Variants in AMPH observed in about 807,000 individuals in gnomAD.
AMPH encodes amphiphysin.
AMPH carries 49 observed loss-of-function variants against 99.1 expected under a neutral mutation model. That is an observed-to-expected ratio of 0.49 (90% CI 0.39 to 0.63). The LOEUF (loss-of-function observed/expected upper bound fraction) is 0.63, where lower values mean the gene tolerates loss of function less well. AMPH is among the 20% of genes least tolerant of loss of function. AMPH has a pLI of 0.00. For synonymous variants in AMPH, 314 were observed against 317.3 expected, an observed-to-expected ratio of 0.99 and a Z score of 0.11; for missense variants, 759 against 863.4, an observed-to-expected ratio of 0.88 and a Z score of 1.52.
Position 38,388,001 on chromosome 7 carries a change from C to T in AMPH, c.1980+1803G>A, listed in dbSNP as rs1784392065. On this transcript the variant is annotated intron_variant, in intron 20 of 20. Transcript: ENST00000356264. The stretch of plus-strand genomic sequence containing the variant: ...AAAAAAAAATCAACTCAGATTTCTA[C>T]CTTAGTGAAAGTATTGTTAAAAATT... Among the ~76,000 whole-genome samples, 4 of 151,898 alleles carry T rather than the reference C, an allele frequency of 2.6e-5. No homozygotes were observed. The South Asian group carries it at 8.3e-4, about 32-fold the overall frequency.
chr7:38,529,549 C>T lies in AMPH; in HGVS notation c.150+5382G>A, dbSNP rs1015052811. On this transcript the variant is annotated intron_variant, in intron 2 of 20. Coordinates refer to ENST00000356264, the MANE Select transcript of AMPH (RefSeq NM_001635.4). ...CAAGGCAGCTAATGTTTGAAAAACA[C>T]TGCTCTGGAGGGCACAAAACTTGCC... 3.3e-5 allele frequency among the ~76,000 whole-genome samples: 5 copies of T among 152,224 alleles called. No homozygotes were observed. The East Asian group carries it at 9.6e-4, about 29-fold the overall frequency.
At chr7:38,396,722 A>C (rs1483569825) in intron 17 of AMPH, among the ~76,000 whole-genome samples, 1 of 152,200 alleles carries the variant, frequency 6.6e-6, no homozygotes, top group Non-Finnish European at 1.5e-5. Context: ...ATAAGCACCG[A>C]CCTTTTTATG....
chr7:38,505,606 A>T (rs1470082317), intron 2 of AMPH, among the ~76,000 whole-genome samples: 1 of 152,238 alleles, frequency 6.6e-6, no homozygotes, highest in Non-Finnish European at 1.5e-5. Context: ...GAGAAAATAA[A>T]GCAAATCATG....
chr7:38,475,557 CT>C, intron 6 of AMPH, 141 bp from the exon 7 acceptor site: 3 of 601,486 alleles, frequency 5.0e-6, no homozygotes, highest in Non-Finnish European at 8.6e-6. Context: ...AAAGCATATC[CT>C]TGTTTTTCAA....
intron 2 of AMPH, among the ~76,000 whole-genome samples, chr7:38,526,219 T>A (rs898951995): frequency 1.3e-5 from 2 of 152,062 alleles, no homozygotes; most frequent in Admixed American, 6.6e-5. Flanking sequence ...TTCATATTCT[T>A]CTTTGCCATC....
At chr7:38,546,115 A>G (rs188297731) in intron 1 of AMPH, among the ~76,000 whole-genome samples, 27 of 152,322 alleles carry the variant, frequency 1.8e-4, no homozygotes, top group Admixed American at 1.4e-3. Flanking sequence ...GAGTGCCTTC[A>G]TAACCTTCCT....
At chr7:38,418,685 A>G (rs1349670613) in intron 16 of AMPH, among the ~76,000 whole-genome samples, 1 of 152,182 alleles carries the variant, frequency 6.6e-6, no homozygotes, top group East Asian at 1.9e-4. Context: ...AATCCTTAGT[A>G]ATGCATTTAT....
chr7:38,613,477 T>C (rs2129067348), intron 1 of AMPH, among the ~76,000 whole-genome samples: 1 of 152,292 alleles, frequency 6.6e-6, no homozygotes, highest in East Asian at 1.9e-4. Flanking sequence ...AAGGAGGTCT[T>C]AACTAAAGAG....
intron 11 of AMPH, among the ~76,000 whole-genome samples, chr7:38,455,165 C>G (rs574806286): frequency 5.0e-4 from 76 of 152,070 alleles, no homozygotes; most frequent in African/African-American, 1.8e-3. Context: ...CCGCAACCTC[C>G]GCCTCCCACC....
intron 14 of AMPH, chr7:38,429,265 G>A (rs1428499108): frequency 1.6e-6 from 2 of 1,286,214 alleles, no homozygotes; most frequent in South Asian, 2.5e-5. Flanking sequence ...GGCTTTGGGG[G>A]CAGTTGTTCA....
At chr7:38,482,734 T>C (rs985727264) in intron 5 of AMPH, among the ~76,000 whole-genome samples, 1 of 152,144 alleles carries the variant, frequency 6.6e-6, no homozygotes, top group Non-Finnish European at 1.5e-5. Flanking sequence ...ACATATATCA[T>C]ATGAATAATT....
intron 1 of AMPH, among the ~76,000 whole-genome samples, chr7:38,546,704 G>T (rs1791008298): frequency 6.6e-6 from 1 of 152,130 alleles, no homozygotes; most frequent in Admixed American, 6.5e-5. Flanking sequence ...CATGATAGAT[G>T]GGTGGGAAGG....
chr7:38,454,540 A>G (rs1026708864), intron 11 of AMPH, among the ~76,000 whole-genome samples: 1 of 152,092 alleles, frequency 6.6e-6, no homozygotes, highest in African/African-American at 2.4e-5. Context: ...AATTAAAAAA[A>G]AAAACACAAA....
In AMPH at chr7:38,392,025, A is replaced by G; in HGVS notation, c.1609-8T>C. On this transcript the variant is annotated splice_polypyrimidine_tract_variant and splice_region_variant and intron_variant, in intron 18 of 20. Coordinates refer to ENST00000356264, the MANE Select transcript of AMPH (RefSeq NM_001635.4). ...CGAAGGAATGACCTTCTCCTGGGGG[A>G]AGAAAAACCGTGGCGATGCCCGGCA... 6.2e-7 allele frequency: 1 copy of G among 1,602,708 alleles called. No homozygotes were observed. The highest frequency in any genetic ancestry group is 2.2e-5 in the East Asian group (1 of 44,856).
intron 3 of AMPH, among the ~76,000 whole-genome samples, chr7:38,499,543 C>T (rs1176379788): frequency 1.3e-5 from 2 of 152,120 alleles, no homozygotes; most frequent in Admixed American, 6.5e-5. Context: ...ATGATTTTCC[C>T]ACAATTGCCC....
chr7:38,390,102 T>C (rs1784447238), intron 19 of AMPH, among the ~76,000 whole-genome samples, 197 bp from the exon 20 acceptor site: 1 of 152,234 alleles, frequency 6.6e-6, no homozygotes, highest in Non-Finnish European at 1.5e-5. Context: ...TTAATAGTAA[T>C]GCAATGCCCT....
chr7:38,425,580 C>T (rs1785754358), intron 15 of AMPH, among the ~76,000 whole-genome samples: 1 of 152,140 alleles, frequency 6.6e-6, no homozygotes, highest in Non-Finnish European at 1.5e-5. Context: ...TACATTACCA[C>T]AGATTGCCTG....
chr7:38,517,489 A>G (rs1197850344), intron 2 of AMPH, among the ~76,000 whole-genome samples: 1 of 152,158 alleles, frequency 6.6e-6, no homozygotes, highest in Admixed American at 6.5e-5. Context: ...AGTGCCCCCC[A>G]TCCATGCTTC....
intron 11 of AMPH, among the ~76,000 whole-genome samples, chr7:38,453,834 G>C (rs530806453): frequency 5.3e-5 from 8 of 152,196 alleles, no homozygotes; most frequent in Non-Finnish European, 1.0e-4. Context: ...AAGCAACTGA[G>C]TAAGGGTATT....
Sources: gnomAD v4.1 joint callset for allele counts (sites outside exome capture counted in the v4.1 genomes callset) on GRCh38, gnomAD v4.1.1 for gene constraint, MANE v1.5 for transcripts, NCBI Gene and HGNC (gene_info 2026-07-23, HGNC 2026-07-21) for gene names.